GRAMD4: variants seen among roughly 807,000 people sequenced by gnomAD.
GRAMD4 encodes the protein GRAM domain containing 4.
Under a neutral mutation model 83.9 loss-of-function variants are expected in GRAMD4, and 25 were observed. The observed-to-expected ratio is 0.30, with a 90% CI of 0.22 to 0.42. The LOEUF (loss-of-function observed/expected upper bound fraction) is 0.42. Ranked by LOEUF, GRAMD4 falls within the 10% of genes least tolerant of loss-of-function variation. The probability of loss-of-function intolerance (pLI) is 1.00; values close to 1 mark genes in which losing one functional copy is unlikely to be tolerated. For missense variants in GRAMD4, 593 were observed against 788.7 expected (o/e 0.75, Z 2.97); for synonymous variants, 336 against 320.9 (o/e 1.05, Z -0.50).
intron 3 of GRAMD4, among the ~76,000 whole-genome samples, chr22:46,648,951 G>GATGC (rs1555969388): frequency 3.5e-5 from 3 of 86,808 alleles, no homozygotes; most frequent in Admixed American, 3.0e-4. Flanking sequence ...TGGATGGATG[G>GATGC]ATGGATGGAT....
In GRAMD4 at chr22:46,661,277, C is replaced by G. The variant is rs1402169571; in HGVS notation, c.405-104C>G. On this transcript the variant is annotated intron_variant, in intron 4 of 18. Coordinates refer to ENST00000406902, the MANE Select transcript of GRAMD4 (RefSeq NM_015124.5). ...TGGAGAGAGCCCTGCTGTCCCTGACCTCTCCTGTGCAGTACACGGTCGCGA... is the reference window on the plus strand; with the variant it reads ...TGGAGAGAGCCCTGCTGTCCCTGACGTCTCCTGTGCAGTACACGGTCGCGA... 4.4e-5 allele frequency: 36 copies of G among 812,496 alleles called. No individual in the cohort carries two copies. The South Asian group carries it at 4.6e-4, about 10-fold the overall frequency. 50.3% of individuals were successfully genotyped at this position (812,496 alleles called of 1,614,324 possible).
chr22:46,629,466 C>T (rs577031381), intron 2 of GRAMD4, among the ~76,000 whole-genome samples: 15 of 152,282 alleles, frequency 9.9e-5, no homozygotes, highest in Non-Finnish European at 1.6e-4. Context: ...TCCTGTAGCA[C>T]GTTGACACTG....
In GRAMD4 at chr22:46,679,428, C is replaced by G; in HGVS notation, c.*2177C>G. The G allele has an allele frequency of 1.0e-6, 1 of 985,490 alleles. No individual in the cohort carries two copies. The highest frequency in any genetic ancestry group is 4.7e-5 in the South Asian group (1 of 21,290). 61.0% of individuals were successfully genotyped at this position (985,490 alleles called of 1,614,324 possible). ...GACTGGCTCTGCTGCCAGCACAGGC[C>G]CCTCCCTGGAAGTCCTCGGGAGCGG... On this transcript the variant is annotated 3_prime_UTR_variant, in exon 19 of 19. Coordinates refer to ENST00000406902, the MANE Select transcript of GRAMD4 (RefSeq NM_015124.5).
chr22:46,667,572 C>A (rs2082429595), intron 10 of GRAMD4, among the ~76,000 whole-genome samples: 1 of 152,236 alleles, frequency 6.6e-6, no homozygotes, highest in Admixed American at 6.5e-5. Flanking sequence ...TGGGGCAGGA[C>A]CACTGGGCGT....
chr22:46,579,897 C>T (rs1261515445), intron 1 of GRAMD4, among the ~76,000 whole-genome samples: 1 of 152,032 alleles, frequency 6.6e-6, no homozygotes, highest in African/African-American at 2.4e-5. Flanking sequence ...GCCTAGTGGC[C>T]ATGGTGGGGA....
rs2082630330 is a variant in GRAMD4, at chr22:46,678,401, G to A, written c.*1150G>A. 2 of 977,566 alleles carry A rather than the reference G, an allele frequency of 2.0e-6. No individual in the cohort carries two copies. The highest frequency in any genetic ancestry group is 6.2e-5 in the Admixed American group (1 of 16,132). The allele number at this position is 977,566 out of a possible 1,614,324, so 60.6% of individuals were successfully genotyped here. On this transcript the variant is annotated 3_prime_UTR_variant, in exon 19 of 19. Transcript: ENST00000406902. ...GCCGGTCCGGGCACAGACCCCCCCA[G>A]CCCCCGCCCTGCCCCAGGGAAGCCT...
chr22:46,589,928 C>T (rs914559039), intron 1 of GRAMD4, among the ~76,000 whole-genome samples: 1 of 152,224 alleles, frequency 6.6e-6, no homozygotes, highest in Non-Finnish European at 1.5e-5. Flanking sequence ...CTCCCTACCC[C>T]TTCAGCCAGC....
At chr22:46,582,147 G>A (rs1302938639) in intron 1 of GRAMD4, among the ~76,000 whole-genome samples, 2 of 152,196 alleles carry the variant, frequency 1.3e-5, no homozygotes, top group African/African-American at 2.4e-5. Flanking sequence ...CAGTGGCCGA[G>A]TCACTGCCCT....
At chr22:46,582,420 C>T (rs1357467404) in intron 1 of GRAMD4, among the ~76,000 whole-genome samples, 2 of 152,072 alleles carry the variant, frequency 1.3e-5, no homozygotes, top group African/African-American at 4.8e-5. Flanking sequence ...TGCTCCACGT[C>T]CCCCCTCCAG....
At chr22:46,577,241 G>A (rs1211126590) in exon 1 of GRAMD4, 2 of 975,226 alleles carry the variant, frequency 2.1e-6, no homozygotes, top group South Asian at 4.7e-5. Flanking sequence ...CGGCCGGCGA[G>A]GGGGGCGCCG....
At chr22:46,680,716 ACCCACCCACCC>A (rs1234885043), downstream of GRAMD4, among the ~76,000 whole-genome samples, 4 of 131,178 alleles carry the variant, frequency 3.0e-5, no homozygotes, top group Admixed American at 7.6e-5. Flanking sequence ...CCATCCATCC[ACCCACCCACCC>A]ATCCATCCAC....
intron 17 of GRAMD4, among the ~76,000 whole-genome samples, chr22:46,676,233 C>T (rs1390823870): frequency 1.3e-5 from 2 of 152,226 alleles, no homozygotes; most frequent in Non-Finnish European, 2.9e-5. Flanking sequence ...GGCTGGGGTC[C>T]TTTCCGCCTG....
chr22:46,647,922 G>A (rs1378314084), intron 3 of GRAMD4, among the ~76,000 whole-genome samples: 1 of 152,268 alleles, frequency 6.6e-6, no homozygotes, highest in Non-Finnish European at 1.5e-5. Flanking sequence ...TCTGTAAGGA[G>A]ACCCTTATTT....
At chr22:46,617,047 T>C (rs1329306536), upstream of GRAMD4, among the ~76,000 whole-genome samples, 3 of 120,984 alleles carry the variant, frequency 2.5e-5, no homozygotes, top group African/African-American at 3.2e-5. Context: ...CCTGTGCGTG[T>C]GGGTTCCCCC....
chr22:46,668,738 TCC>T lies in GRAMD4; in HGVS notation c.974+8_974+9del. 1.2e-6 allele frequency: 1 copy of T among 817,940 alleles called. No individual in the cohort carries two copies. Among genetic ancestry groups the T allele is most frequent in the Non-Finnish European group, 2.0e-6 (1 of 503,726 alleles). The allele number at this position is 817,940 out of a possible 1,614,324, so 50.7% of individuals were successfully genotyped here. A position where few individuals can be genotyped will look rare whatever the true frequency, so the allele number is the denominator to read the frequency against. ...ATCCTGGAGAAGATCAAGAAGTAAG[TCC>T]CGCCCCCCACCCCGGCCCTGCGGCG... is the stretch of plus-strand genomic sequence containing the variant. On this transcript the variant is annotated splice_region_variant and intron_variant, in intron 12 of 18. Coordinates refer to ENST00000406902, the MANE Select transcript of GRAMD4 (RefSeq NM_015124.5).
chr22:46,671,827 CT>C (rs1280791099), intron 13 of GRAMD4, among the ~76,000 whole-genome samples: 1 of 152,188 alleles, frequency 6.6e-6, no homozygotes, highest in African/African-American at 2.4e-5. Context: ...GAGCAAGACT[CT>C]GTCTCAAAAA....
intron 1 of GRAMD4, among the ~76,000 whole-genome samples, chr22:46,607,250 C>T (rs948989942): frequency 4.6e-5 from 7 of 151,908 alleles, no homozygotes; most frequent in South Asian, 4.1e-4. Flanking sequence ...ATGTAAATGA[C>T]GAGTTGATGG....
At chr22:46,658,350 C>T in intron 4 of GRAMD4, 43 bp downstream of exon 4, 2 of 1,526,554 alleles carry the variant, frequency 1.3e-6, no homozygotes, top group Non-Finnish European at 1.8e-6. Context: ...TGCGGCTGCC[C>T]CAACCCCCCA....
chr22:46,656,202 C>T (rs2082242363), intron 3 of GRAMD4, among the ~76,000 whole-genome samples: 1 of 152,218 alleles, frequency 6.6e-6, no homozygotes, highest in South Asian at 2.1e-4. Context: ...AGCTCCAGCA[C>T]CCACACTGGG....
Sources: gnomAD v4.1 joint callset for allele counts (sites outside exome capture counted in the v4.1 genomes callset) on GRCh38, gnomAD v4.1.1 for gene constraint, MANE v1.5 for transcripts, NCBI Gene and HGNC (gene_info 2026-07-23, HGNC 2026-07-21) for gene names.